The following KATNIP variants were observed in gnomAD, a reference collection of about 807,000 sequenced individuals.
The protein encoded by KATNIP is katanin-interacting protein.
In KATNIP, 126 loss-of-function variants were observed where a neutral mutation model predicts 174.0. The observed-to-expected ratio is 0.72, with a 90% CI of 0.63 to 0.84. KATNIP has a LOEUF of 0.84. Among genes scored for constraint, KATNIP ranks in the 40% least tolerant of loss-of-function variants. The pLI is 0.00. For synonymous variants in KATNIP, 810 were observed against 835.7 expected, an observed-to-expected ratio of 0.97 and a Z score of 0.53; for missense variants, 1,958 against 2,109.7, an observed-to-expected ratio of 0.93 and a Z score of 1.41.
At chr16:27,628,122 G>A (rs992513528) in intron 3 of KATNIP, among the ~76,000 whole-genome samples, 2 of 152,328 alleles carry the variant, frequency 1.3e-5, no homozygotes, top group East Asian at 1.9e-4. Flanking sequence ...AGGGGTGAGT[G>A]TTTTGAGAAC....
chr16:27,622,096 A>G (rs951177061), intron 3 of KATNIP, among the ~76,000 whole-genome samples: 2 of 152,082 alleles, frequency 1.3e-5, no homozygotes, highest in African/African-American at 4.8e-5. Flanking sequence ...AGTCAGTTTC[A>G]TGGAGTCAAA....
At chr16:27,563,517 C>T (rs1013032431) in intron 1 of KATNIP, among the ~76,000 whole-genome samples, 5 of 151,748 alleles carry the variant, frequency 3.3e-5, no homozygotes, top group South Asian at 2.1e-4. Flanking sequence ...GGTTCCTTCT[C>T]TAAATACAAA....
At chr16:27,736,151 C>T (rs531447286) in intron 14 of KATNIP, among the ~76,000 whole-genome samples, 23 of 152,268 alleles carry the variant, frequency 1.5e-4, no homozygotes, top group Middle Eastern at 3.4e-3. Flanking sequence ...TACAGGCTCA[C>T]GCCATCATGC....
chr16:27,686,806 G>A (rs1441714370), intron 8 of KATNIP, among the ~76,000 whole-genome samples: 1 of 151,694 alleles, frequency 6.6e-6, no homozygotes, highest in East Asian at 1.9e-4. Context: ...GACTTACTAG[G>A]GTTTACTTTA....
intron 2 of KATNIP, among the ~76,000 whole-genome samples, chr16:27,582,533 G>T (rs2090738117): frequency 6.6e-6 from 1 of 152,138 alleles, no homozygotes; most frequent in Non-Finnish European, 1.5e-5. Flanking sequence ...GAAGAGAGGG[G>T]CCCTGGTAAC....
intron 8 of KATNIP, among the ~76,000 whole-genome samples, chr16:27,691,059 G>A (rs2078714646): frequency 6.6e-6 from 1 of 152,100 alleles, no homozygotes; most frequent in African/African-American, 2.4e-5. Flanking sequence ...TGCTATAATA[G>A]ACCCTTGTTG....
In KATNIP at chr16:27,762,100, G is replaced by A. The variant is rs77029040; in HGVS notation, c.3809+510G>A. Among the ~76,000 whole-genome samples the A allele has an allele frequency of 2.3e-3, 356 of 152,236 alleles. 13 individuals carry two copies. In the East Asian group the frequency reaches 0.063, roughly 27 times the overall value. On this transcript the variant is annotated intron_variant, in intron 19 of 27. Coordinates refer to ENST00000261588, the MANE Select transcript of KATNIP (RefSeq NM_015202.5). ...CCAAGGTTGCGTCAAGTCAGTAGGT[G>A]GGGAAGCCTCAAATACAGCATTGAT... is the stretch of plus-strand genomic sequence containing the variant.
intron 8 of KATNIP, among the ~76,000 whole-genome samples, chr16:27,683,020 TCTATAA>T (rs1388388694): frequency 1.3e-5 from 2 of 152,180 alleles, no homozygotes; most frequent in African/African-American, 4.8e-5. Flanking sequence ...CTTCTCAGCT[TCTATAA>T]CTATAAGAAA....
chr16:27,595,218 C>G (rs553921960), intron 2 of KATNIP, among the ~76,000 whole-genome samples: 4 of 152,242 alleles, frequency 2.6e-5, no homozygotes, highest in Non-Finnish European at 5.9e-5. Context: ...AGCCCTGTCT[C>G]TACAAAAGTA....
At chr16:27,700,585 C>T (rs2079061304) in intron 10 of KATNIP, among the ~76,000 whole-genome samples, 1 of 152,086 alleles carries the variant, frequency 6.6e-6, no homozygotes, top group Admixed American at 6.5e-5. Context: ...GTCCTGGGTG[C>T]CCCTTGGAAG....
chr16:27,761,644 G>GTTC (rs2081960054), intron 19 of KATNIP, 54 bp downstream of exon 19: 2 of 1,472,400 alleles, frequency 1.4e-6, no homozygotes, highest in Admixed American at 3.4e-5. Context: ...TGGGGACATT[G>GTTC]TTCTGCCTCT....
chr16:27,633,141 G>A (rs960038493), intron 5 of KATNIP, among the ~76,000 whole-genome samples: 3 of 152,140 alleles, frequency 2.0e-5, no homozygotes, highest in African/African-American at 2.4e-5. Context: ...CTGGCCTCCC[G>A]TCCCATCATT....
chr16:27,741,784 C>G (rs934132256), intron 15 of KATNIP, among the ~76,000 whole-genome samples: 1 of 152,064 alleles, frequency 6.6e-6, no homozygotes, highest in African/African-American at 2.4e-5. Context: ...TTCCTGTAAT[C>G]CCAGCTACTT....
chr16:27,563,129 A>C (rs1349424948), intron 1 of KATNIP, among the ~76,000 whole-genome samples: 2 of 152,178 alleles, frequency 1.3e-5, no homozygotes, highest in Non-Finnish European at 2.9e-5. Flanking sequence ...GCTTATTTTT[A>C]GTTGGGGAGA....
intron 5 of KATNIP, among the ~76,000 whole-genome samples, chr16:27,646,184 C>T (rs2076951549): frequency 6.6e-6 from 1 of 152,202 alleles, no homozygotes. Flanking sequence ...GTGGGGCTCG[C>T]TTCAGGTGCA....
chr16:27,652,033 T>A (rs2077136195), intron 6 of KATNIP, among the ~76,000 whole-genome samples: 1 of 152,156 alleles, frequency 6.6e-6, no homozygotes, highest in Non-Finnish European at 1.5e-5. Context: ...GGTTCCACAT[T>A]CTTATACACT....
chr16:27,745,957 CT>C lies in KATNIP; in HGVS notation c.2624-3602del, dbSNP rs759181249. On this transcript the variant is annotated intron_variant, in intron 15 of 27. Transcript: ENST00000261588. ...CTAAGAGCAAGGCTCAACTCCTCTGCTTTTTTTTTTTTTTTTTTTTTTTTTG... is the reference window on the plus strand; with the variant it reads ...CTAAGAGCAAGGCTCAACTCCTCTGCTTTTTTTTTTTTTTTTTTTTTTTTG... Among the ~76,000 whole-genome samples the C allele has an allele frequency of 7.4e-3, 680 of 92,106 alleles. 1 individual carries two copies. Among genetic ancestry groups the C allele is most frequent in the African/African-American group, 0.024 (580 of 23,910 alleles). The allele number at this position is 92,106 out of a possible 152,430, so 60.4% of individuals were successfully genotyped here.
chr16:27,726,006 C>A (rs896031427), intron 14 of KATNIP, among the ~76,000 whole-genome samples: 3 of 152,112 alleles, frequency 2.0e-5, no homozygotes, highest in Non-Finnish European at 4.4e-5. Context: ...GGCCACAGAC[C>A]AGTACCAGTC....
In KATNIP at chr16:27,776,860, A is replaced by AC; in HGVS notation, c.4450-63dup. On this transcript the variant is annotated intron_variant, in intron 24 of 27. Coordinates refer to ENST00000261588, the MANE Select transcript of KATNIP (RefSeq NM_015202.5). This position sits in a 1 kb window ranked among gnomAD's most constrained non-coding sequence, Gnocchi z 4.7. ...CCGCTCACCCCAGCCCACGCCTGGCACCCCCAGCCCAGCCAAGCGCCTCTG... is the reference window on the plus strand; with the variant it reads ...CCGCTCACCCCAGCCCACGCCTGGCACCCCCCAGCCCAGCCAAGCGCCTCTG... The AC allele has an allele frequency of 8.5e-7, 1 of 1,173,330 alleles. No homozygotes were observed. Among genetic ancestry groups the AC allele is most frequent in the Non-Finnish European group, 1.3e-6 (1 of 783,712 alleles). The allele number at this position is 1,173,330 out of a possible 1,614,324, so 72.7% of individuals were successfully genotyped here.
Sources: allele counts gnomAD v4.1 joint callset (sites outside exome capture counted in the v4.1 genomes callset), GRCh38; gene constraint gnomAD v4.1.1; non-coding constraint Gnocchi (gnomAD v3.1); transcripts MANE v1.5; gene names NCBI Gene and HGNC (gene_info 2026-07-23, HGNC 2026-07-21).